IGSF9B: variants seen among roughly 807,000 people sequenced by gnomAD.
IGSF9B encodes immunoglobulin superfamily member 9B.
In IGSF9B, 48 loss-of-function variants were observed where a neutral mutation model predicts 143.7. That is an observed-to-expected ratio of 0.33 (90% CI 0.26 to 0.42). The LOEUF (loss-of-function observed/expected upper bound fraction) is 0.42. Among genes scored for constraint, IGSF9B ranks in the 20% least tolerant of loss-of-function variants. IGSF9B has a pLI of 1.00. For missense variants in IGSF9B, 1,706 were observed against 1,980.0 expected, an observed-to-expected ratio of 0.86 and a Z score of 2.63; for synonymous variants, 903 against 833.1, an observed-to-expected ratio of 1.08 and a Z score of -1.44.
At chr11:133,927,129 C>G (rs1165913843) in intron 12 of IGSF9B, 38 bp from the exon 13 acceptor site, 5 of 1,473,372 alleles carry the variant, frequency 3.4e-6, no homozygotes, top group Middle Eastern at 1.8e-4. Flanking sequence ...GGACGAGGGG[C>G]GGGGTGGGTC....
chr11:133,919,794 CCGTCCTTCGAGGGGAAGG>C lies in IGSF9B; in HGVS notation c.3913_3930del (p.Pro1305_Thr1310del). The C allele has an allele frequency of 1.3e-6, 2 of 1,504,312 alleles. No homozygotes were observed. Among genetic ancestry groups the C allele is most frequent in the Non-Finnish European group, 1.8e-6 (2 of 1,124,222 alleles). 93.2% of individuals were successfully genotyped at this position (1,504,312 alleles called of 1,614,324 possible). A position where few individuals can be genotyped will look rare whatever the true frequency, so the allele number is the denominator to read the frequency against. ...GTCTCCGGTCGGAGCAATTCCTCCC[CCGTCCTTCGAGGGGAAGG>C]CGTCTGTCCAAACACGTCCAAGCTG... On this transcript the variant is annotated inframe_deletion, in exon 18 of 20. Transcript: ENST00000533871.
intron 17 of IGSF9B, among the ~76,000 whole-genome samples, chr11:133,921,700 G>A (rs949031586): frequency 6.6e-6 from 1 of 151,258 alleles, no homozygotes; most frequent in African/African-American, 2.4e-5. Flanking sequence ...GCCGCGCCCG[G>A]CCCCCCCCAT....
intron 18 of IGSF9B, among the ~76,000 whole-genome samples, 159 bp downstream of exon 18, chr11:133,919,583 C>CT (rs1206643283): frequency 1.3e-5 from 2 of 152,222 alleles, no homozygotes; most frequent in Non-Finnish European, 2.9e-5. Flanking sequence ...TGCACCCCGC[C>CT]CAAACCGCGG....
At chr11:133,949,958 T>TC (rs1162694663) in intron 1 of IGSF9B, among the ~76,000 whole-genome samples, 1 of 152,184 alleles carries the variant, frequency 6.6e-6, no homozygotes, top group Non-Finnish European at 1.5e-5. Flanking sequence ...TGGGGGTGTG[T>TC]CCAGCTCCCT....
At position 133,903,279 on chromosome 11, in the gene IGSF9B, C is replaced by T. The variant is rs1263025745; in HGVS notation, c.*5790G>A. Among the ~76,000 whole-genome samples the T allele has an allele frequency of 6.6e-6, 1 of 152,024 alleles. No homozygotes were observed. Among genetic ancestry groups the T allele is most frequent in the Non-Finnish European group, 1.5e-5 (1 of 68,002 alleles). ...CAGGCCCAGGCAGCCATTCACGTCC[C>T]CATCTAGTGTGATGGGAATGGTGAC... On this transcript the variant is annotated 3_prime_UTR_variant, in exon 20 of 20. Coordinates refer to ENST00000533871, the MANE Select transcript of IGSF9B (RefSeq NM_001277285.4).
At chr11:133,951,858 C>T (rs1056053380) in intron 1 of IGSF9B, 2 of 229,624 alleles carry the variant, frequency 8.7e-6, no homozygotes, top group East Asian at 1.2e-4. Flanking sequence ...CGTGGGAAGC[C>T]GAAGTCCCAT....
chr11:133,953,121 G>C lies in IGSF9B; in HGVS notation c.64+3570C>G, dbSNP rs114029128. On this transcript the variant is annotated intron_variant, in intron 1 of 19. Transcript: ENST00000533871. This position sits in a 1 kb window ranked among gnomAD's most constrained non-coding sequence, Gnocchi z 4.2. ...TGGCTGGGGAGAAGGCAAAGGTACA[G>C]GAGGTTGGAGTGAGGGCCAGAGTGA... Among the ~76,000 whole-genome samples, 2,658 of 152,292 alleles carry C rather than the reference G, an allele frequency of 0.017. 85 individuals carry two copies. The highest frequency in any genetic ancestry group is 0.06 in the African/African-American group (2,476 of 41,552).
In IGSF9B at chr11:133,929,704, T is replaced by G; in HGVS notation, c.1598A>C (p.Tyr533Ser). The change falls in exon 12 of 20, where the codon TAT becomes TCT. Residue 533 changes from tyrosine (Y) to serine (S), a missense_variant. Coordinates refer to ENST00000533871, the MANE Select transcript of IGSF9B (RefSeq NM_001277285.4). ...GAATGTCTGCTCGTAGCCTCCATCATAGCCTGGTTCCCAGGACACGTTGGC... is the reference window on the plus strand; with the variant it reads ...GAATGTCTGCTCGTAGCCTCCATCAGAGCCTGGTTCCCAGGACACGTTGGC... ...TTANVSWEPG[Y>S]DGGYEQTFSV... 1.2e-6 allele frequency: 2 copies of G among 1,613,782 alleles called. No homozygotes were observed. Among genetic ancestry groups the G allele is most frequent in the Non-Finnish European group, 1.7e-6 (2 of 1,179,682 alleles).
chr11:133,920,377 G>A lies in IGSF9B; in HGVS notation c.3348C>T (p.Pro1116=). 6.2e-7 allele frequency: 1 copy of A among 1,604,058 alleles called. No individual in the cohort carries two copies. The highest frequency in any genetic ancestry group is 8.5e-7 in the Non-Finnish European group (1 of 1,175,946). Reference sequence around the variant, plus strand: ...GTCTGTCCTGCCACTTGGCGGCGGGGGGCGCTGGGACAGGGCCCCTGCCGG... The same window carrying A: ...GTCTGTCCTGCCACTTGGCGGCGGGAGGCGCTGGGACAGGGCCCCTGCCGG... The part of the protein sequence containing the change: ...KSPGRGPVPA[P]PAAKWQDRPM... Residue 1116 remains proline (P), a synonymous_variant, in exon 18 of 20, where the codon CCC becomes CCT. Transcript: ENST00000533871.
At chr11:133,924,929 G>C (rs1429961347) in intron 14 of IGSF9B, 25 bp from the exon 15 acceptor site, 1 of 1,602,602 alleles carries the variant, frequency 6.2e-7, no homozygotes, top group Non-Finnish European at 8.5e-7. Context: ...ACAATACCCA[G>C]TCAGCCGAGG....
At position 133,920,526 on chromosome 11, in the gene IGSF9B, G is replaced by A. The variant is rs1445324912; in HGVS notation, c.3199C>T (p.Pro1067Ser). The change falls in exon 18 of 20, where the codon CCC becomes TCC. Residue 1067 changes from proline (P) to serine (S), a missense_variant. Pro to Ser is a moderately conservative substitution (Grantham distance 74). Around this residue, in one of 7 missense-constraint regions of IGSF9B, gnomAD observed 880 missense variants for 762.9 expected, o/e 1.15. Transcript: ENST00000533871. ...FPHQLPPCDV[P>S]ESLQPKAGLP... ...CCGGCCTTGGGCTGCAGACTCTCGG[G>A]CACATCACAGGGTGGCAGCTGGTGG... is the stretch of plus-strand genomic sequence containing the variant. 8 of 1,607,860 alleles carry A rather than the reference G, an allele frequency of 5.0e-6. No individual in the cohort carries two copies. The highest frequency in any genetic ancestry group is 6.8e-6 in the Non-Finnish European group (8 of 1,177,102).
In IGSF9B at chr11:133,927,085, C is replaced by A. The variant is rs916382167; in HGVS notation, c.1638G>T (p.Lys546Asn). The change falls in exon 13 of 20, where the codon AAG (lysine) becomes AAT (asparagine). Residue 546 changes from lysine to asparagine, a missense_variant. By Grantham distance (94) the Lys-to-Asn change is moderately conservative. Coordinates refer to ENST00000533871, the MANE Select transcript of IGSF9B (RefSeq NM_001277285.4). The part of the protein sequence containing the change: ...GYEQTFSVWM[K>N]RAQFGPHDWL... ...AGTCATGGGGCCCAAACTGTGCCCG[C>A]TTCATCCTGGCCAAAAGAGAGAGAC... The A allele has an allele frequency of 2.6e-6, 4 of 1,552,842 alleles. No individual in the cohort carries two copies. The highest frequency in any genetic ancestry group is 8.7e-7 in the Non-Finnish European group (1 of 1,146,828).
rs1352619627 is a variant in IGSF9B at position 133,921,246 on chromosome 11, T to C, written c.2479A>G (p.Ile827Val). ...LSLYKKTKRA[I>V]SSKKYSVAKA... ...GCCACGCTGTACTTCTTGCTGCTGA[T>C]GGCCCGCTTGGTCTTCTTGTACAGC... The change falls in exon 18 of 20, where the codon ATC becomes GTC. Residue 827 changes from isoleucine to valine, a missense_variant. Ile to Val is a conservative substitution (Grantham distance 29). Transcript: ENST00000533871. The C allele has an allele frequency of 1.2e-6, 2 of 1,610,954 alleles. No individual in the cohort carries two copies. Among genetic ancestry groups the C allele is most frequent in the East Asian group, 4.5e-5 (2 of 44,838 alleles).
chr11:133,919,029 A>C (rs764330267), intron 18 of IGSF9B: 2 of 495,896 alleles, frequency 4.0e-6, no homozygotes, highest in Non-Finnish European at 8.3e-6. Context: ...GGTACCTGGA[A>C]TACCAGCTGC....
Position 133,935,743 on chromosome 11 carries a change from G to A in IGSF9B, c.841C>T (p.Arg281Cys), listed in dbSNP as rs1939810399. 2 of 1,611,810 alleles carry A rather than the reference G, an allele frequency of 1.2e-6. No homozygotes were observed. Among genetic ancestry groups the A allele is most frequent in the Non-Finnish European group, 1.7e-6 (2 of 1,179,338 alleles). ...YFQNDLKLRV[R>C]ILIDGTLIIF... ...ATCAGGGTCCCATCGATTAGGATGC[G>A]CACCCTCAGCTTCAGGTCGCTGCAA... The change falls in exon 7 of 20, where the codon CGC becomes TGC. Residue 281 changes from arginine to cysteine, a missense_variant. By Grantham distance (180) the Arg-to-Cys change is radical (BLOSUM62 -3). Coordinates refer to ENST00000533871, the MANE Select transcript of IGSF9B (RefSeq NM_001277285.4).
rs540487325 is a variant in IGSF9B at position 133,937,485 on chromosome 11, G to A, written c.570C>T (p.Asp190=). The A allele has an allele frequency of 4.2e-5, 67 of 1,613,194 alleles. No homozygotes were observed. The highest frequency in any genetic ancestry group is 1.4e-4 in the South Asian group (13 of 91,014). ...TGACCGATGTCACTGTCAGGCTGCC[G>A]TCACTCACCTGGGAGCCCAAAACAG... ...LGASGKYQVS[D]GSLTVTSVSR... The change falls in exon 5 of 20, where the codon GAC becomes GAT. Residue 190 remains aspartate, a synonymous_variant. Transcript: ENST00000533871.
At position 133,918,517 on chromosome 11, in the gene IGSF9B, C is replaced by T. The variant is rs558950224; in HGVS notation, c.3983+1225G>A. ...GCACAGAGACAGGGCGGCCGCGGCA[C>T]CTCCGCGCACAGGCGGCGGCTGCGG... On this transcript the variant is annotated intron_variant, in intron 18 of 19. Transcript: ENST00000533871. Among the ~76,000 whole-genome samples the T allele has an allele frequency of 1.5e-3, 229 of 152,282 alleles. 2 individuals are homozygous for T. Among genetic ancestry groups the T allele is most frequent in the African/African-American group, 5.2e-3 (217 of 41,532 alleles).
intron 14 of IGSF9B, 27 bp from the exon 15 acceptor site, chr11:133,924,931 C>A: frequency 6.2e-7 from 1 of 1,602,032 alleles, no homozygotes; most frequent in South Asian, 1.1e-5. Context: ...AATACCCAGT[C>A]AGCCGAGGGA....
chr11:133,938,110 C>T, intron 3 of IGSF9B, 149 bp from the exon 4 acceptor site: 6 of 835,408 alleles, frequency 7.2e-6, no homozygotes, highest in Non-Finnish European at 1.1e-5. Context: ...AAACTTTCTG[C>T]CTACCAACAT....
Sources: allele counts gnomAD v4.1 joint callset (sites outside exome capture counted in the v4.1 genomes callset), GRCh38; gene constraint gnomAD v4.1.1; regional missense constraint gnomAD v4.1.1; non-coding constraint Gnocchi (gnomAD v3.1); transcripts MANE v1.5; gene names NCBI Gene and HGNC (gene_info 2026-07-23, HGNC 2026-07-21).